OR51B5: variants seen among roughly 807,000 people sequenced by gnomAD.
OR51B5 encodes olfactory receptor family 51 subfamily B member 5.
For synonymous variants in OR51B5, 186 were observed against 144.8 expected, an observed-to-expected ratio of 1.28 and a Z score of -2.04; for missense variants, 456 against 374.6, an observed-to-expected ratio of 1.22 and a Z score of -1.79.
rs145862988 is a variant in OR51B5, at chr11:5,505,369, T to C, written n.84+200A>G. The C allele has an allele frequency of 3.5e-5, 45 of 1,303,944 alleles. No individual in the cohort carries two copies. In the African/African-American group the frequency reaches 6.7e-4, roughly 19 times the overall value. 80.8% of individuals were successfully genotyped at this position (1,303,944 alleles called of 1,614,324 possible). ...AACTCACCTCATGAACGGAAGAAAA[T>C]GGAGAGGCAAGACTTTCCTCTTCAT... On this transcript the variant is annotated intron_variant and non_coding_transcript_variant, in intron 1 of 4. Coordinates refer to the OR51B5 transcript ENST00000415970.
intron 1 of OR51B5, chr11:5,454,554 GC>G: frequency 1.4e-6 from 1 of 730,982 alleles, no homozygotes; most frequent in Non-Finnish European, 2.2e-6. Context: ...AGATGGTGAT[GC>G]AAAACTTATA....
rs1408075459 is a variant in OR51B5, at chr11:5,407,661, T to TA, written n.85-60752_85-60751insT. 6.3e-5 allele frequency among the ~76,000 whole-genome samples: 9 copies of TA among 142,266 alleles called. No homozygotes were observed. The South Asian group carries it at 7.2e-4, about 11-fold the overall frequency. 93.3% of individuals were successfully genotyped at this position (142,266 alleles called of 152,430 possible). On this transcript the variant is annotated intron_variant and non_coding_transcript_variant, in intron 1 of 4. Transcript: ENST00000415970. ...TTTTGATTTACACATTTTTCTCCTT[T>TA]TCTGTCTTCCATCAGTTTTTTTTTT...
chr11:5,405,628 A>G (rs1293397290), intron 1 of OR51B5, among the ~76,000 whole-genome samples: 2 of 152,212 alleles, frequency 1.3e-5, no homozygotes, highest in Non-Finnish European at 2.9e-5. Flanking sequence ...TGCTTCTTAT[A>G]CAAATAACGA....
At chr11:5,363,858 A>G (rs891132426) in intron 1 of OR51B5, among the ~76,000 whole-genome samples, 4 of 152,326 alleles carry the variant, frequency 2.6e-5, no homozygotes, top group East Asian at 3.9e-4. Context: ...TATGTTCCCT[A>G]GCTGTCTTCT....
intron 1 of OR51B5, among the ~76,000 whole-genome samples, chr11:5,435,011 C>T (rs1387986099): frequency 6.6e-6 from 1 of 152,092 alleles, no homozygotes. Flanking sequence ...TTCTAGCCTC[C>T]TACGCAAACT....
rs1271627338 is a variant in OR51B5, at chr11:5,477,882, T to C, written n.84+27687A>G. Among the ~76,000 whole-genome samples the C allele has an allele frequency of 6.6e-5, 10 of 152,132 alleles. No homozygotes were observed. The South Asian group carries it at 1.0e-3, about 16-fold the overall frequency. Reference sequence around the variant, plus strand: ...TCCTACGCCCACGGAGTCTCCCTGATTGCTAGCACAGCAGTCTGGGATCAA... The same window carrying C: ...TCCTACGCCCACGGAGTCTCCCTGACTGCTAGCACAGCAGTCTGGGATCAA... On this transcript the variant is annotated intron_variant and non_coding_transcript_variant, in intron 1 of 4. Transcript: ENST00000415970.
rs751845637 is a variant in OR51B5, at chr11:5,408,267, A to G, written n.85-61357T>C. Reference sequence around the variant, plus strand: ...AATTTTATCCCAATAATTGCTTTCTAAGTGATATCTTATTTTATCCCATGT... The same window carrying G: ...AATTTTATCCCAATAATTGCTTTCTGAGTGATATCTTATTTTATCCCATGT... On this transcript the variant is annotated intron_variant and non_coding_transcript_variant, in intron 1 of 4. Coordinates refer to the OR51B5 transcript ENST00000415970. Among the ~76,000 whole-genome samples the G allele has an allele frequency of 2.6e-5, 4 of 151,984 alleles. No individual in the cohort carries two copies. In the South Asian group the frequency reaches 8.3e-4, roughly 31 times the overall value.
exon 1 of OR51B5, chr11:5,342,784 C>G (rs776135615): frequency 6.2e-6 from 10 of 1,613,384 alleles, no homozygotes; most frequent in Non-Finnish European, 8.5e-6. Context: ...CATAAAAAAC[C>G]AGGACACAGC....
chr11:5,476,587 T>C (rs1038955032), intron 1 of OR51B5, among the ~76,000 whole-genome samples: 1 of 152,200 alleles, frequency 6.6e-6, no homozygotes, highest in South Asian at 2.1e-4. Flanking sequence ...CAGTATTTCA[T>C]GTATTTACAC....
At chr11:5,435,990 A>G (rs1850587103) in intron 1 of OR51B5, among the ~76,000 whole-genome samples, 1 of 152,172 alleles carries the variant, frequency 6.6e-6, no homozygotes, top group African/African-American at 2.4e-5. Flanking sequence ...TGATTCTGAC[A>G]CAAAGATATG....
At chr11:5,374,648 G>A (rs1214295459) in intron 1 of OR51B5, among the ~76,000 whole-genome samples, 2 of 152,208 alleles carry the variant, frequency 1.3e-5, no homozygotes, top group Non-Finnish European at 2.9e-5. Flanking sequence ...AGGAGCTGAT[G>A]GAGCTGAAAG....
chr11:5,467,796 G>T (rs1851158556), intron 1 of OR51B5, among the ~76,000 whole-genome samples: 1 of 152,324 alleles, frequency 6.6e-6, no homozygotes, highest in Admixed American at 6.5e-5. Context: ...CACTGAAGTG[G>T]ACTTGCCAGC....
chr11:5,454,535 T>G, intron 1 of OR51B5: 1 of 950,690 alleles, frequency 1.1e-6, no homozygotes, highest in Non-Finnish European at 1.6e-6. Flanking sequence ...GCGGGAAAAG[T>G]AGGCCAGGAG....
At chr11:5,416,709 C>T (rs1338403430) in intron 1 of OR51B5, among the ~76,000 whole-genome samples, 1 of 139,370 alleles carries the variant, frequency 7.2e-6, no homozygotes, top group Non-Finnish European at 1.6e-5. Flanking sequence ...ACCTAGGAAT[C>T]CACCTTACAA....
Position 5,474,441 on chromosome 11 carries a change from G to A in OR51B5, n.84+31128C>T, listed in dbSNP as rs577325504. On this transcript the variant is annotated intron_variant and non_coding_transcript_variant, in intron 1 of 4. Coordinates refer to the OR51B5 transcript ENST00000415970. ...TCTATAGAGAAGACCCTACTAGCCTGCTAAGTACCATGATTTAATGAACTG... is the reference window on the plus strand; with the variant it reads ...TCTATAGAGAAGACCCTACTAGCCTACTAAGTACCATGATTTAATGAACTG... Among the ~76,000 whole-genome samples, 198 of 152,202 alleles carry A rather than the reference G, an allele frequency of 1.3e-3. 5 individuals are homozygous for A. Among genetic ancestry groups the A allele is most frequent in the Admixed American group, 0.013 (196 of 15,276 alleles).
At chr11:5,385,814 A>G (rs1288342113) in intron 1 of OR51B5, among the ~76,000 whole-genome samples, 5 of 149,084 alleles carry the variant, frequency 3.4e-5, no homozygotes, top group Admixed American at 2.0e-4. Flanking sequence ...AAAATCTATA[A>G]AGTATATAAA....
chr11:5,471,936 A>T (rs1243077215), intron 1 of OR51B5, among the ~76,000 whole-genome samples: 2 of 152,190 alleles, frequency 1.3e-5, no homozygotes, highest in Non-Finnish European at 2.9e-5. Context: ...GAAAGTTGTG[A>T]TAAAGAGGGA....
At chr11:5,505,130 T>C (rs1318008501) in intron 1 of OR51B5, among the ~76,000 whole-genome samples, 2 of 152,202 alleles carry the variant, frequency 1.3e-5, no homozygotes, top group Non-Finnish European at 2.9e-5. Context: ...TTTTGTTTTG[T>C]TTTTGCTTTT....
At chr11:5,390,067 G>C in intron 1 of OR51B5, 1 of 1,613,692 alleles carries the variant, frequency 6.2e-7, no homozygotes, top group Non-Finnish European at 8.5e-7. Flanking sequence ...TGCTGGACCT[G>C]GTGCTCATCG....
Sources: allele counts gnomAD v4.1 joint callset (sites outside exome capture counted in the v4.1 genomes callset), GRCh38; gene constraint gnomAD v4.1.1; transcripts MANE v1.5; gene names NCBI Gene and HGNC (gene_info 2026-07-23, HGNC 2026-07-21).